The following TENM2 variants were observed in gnomAD, a reference collection of about 807,000 sequenced individuals.
The protein encoded by TENM2 is teneurin transmembrane protein 2.
A neutral mutation model predicts 245.2 loss-of-function variants in TENM2; 52 were observed. That is an observed-to-expected ratio of 0.21 (90% CI 0.17 to 0.27). The LOEUF (loss-of-function observed/expected upper bound fraction) is 0.27. Ranked by LOEUF, TENM2 falls within the 10% of genes least tolerant of loss-of-function variation. TENM2 has a pLI of 1.00. For synonymous variants in TENM2, 1,363 were observed against 1,438.9 expected (o/e 0.95, Z 1.19); for missense variants, 3,046 against 3,666.8 (o/e 0.83, Z 4.37).
chr5:167,656,919 G>T (rs143814107), intron 2 of TENM2, among the ~76,000 whole-genome samples: 1 of 148,948 alleles, frequency 6.7e-6, no homozygotes, highest in African/African-American at 2.5e-5. Context: ...AGCAATTCAC[G>T]TATCTATCTT....
chr5:167,861,426 A>G (rs1231544940), intron 2 of TENM2, among the ~76,000 whole-genome samples: 1 of 152,204 alleles, frequency 6.6e-6, no homozygotes, highest in Non-Finnish European at 1.5e-5. Flanking sequence ...ACAAACGTCT[A>G]CAAAGAAGCT....
intron 4 of TENM2, among the ~76,000 whole-genome samples, chr5:167,954,995 G>A (rs1177566941): frequency 6.6e-6 from 1 of 152,146 alleles, no homozygotes; most frequent in African/African-American, 2.4e-5. Flanking sequence ...TAATGGGATT[G>A]CTGGGTCAAA....
the TENM2 span, among the ~76,000 whole-genome samples, chr5:167,238,300 A>G: frequency 4.9e-3 from 696 of 141,784 alleles, 6 homozygotes; most frequent in African/African-American, 0.018. Flanking sequence ...TTACTTAGTC[A>G]TTATACAGTA....
chr5:167,835,038 C>T (rs1768862902), intron 2 of TENM2, among the ~76,000 whole-genome samples: 1 of 152,158 alleles, frequency 6.6e-6, no homozygotes, highest in South Asian at 2.1e-4. Flanking sequence ...GGGTTCAAAT[C>T]CTCGCACTGC....
At chr5:167,273,245 G>A in the TENM2 span, among the ~76,000 whole-genome samples, 1 of 152,136 alleles carries the variant, frequency 6.6e-6, no homozygotes, top group South Asian at 2.1e-4. Flanking sequence ...TTCAAGGGCG[G>A]AAATGTGGAA....
chr5:167,161,231 A>G, the TENM2 span, among the ~76,000 whole-genome samples: 3 of 152,310 alleles, frequency 2.0e-5, no homozygotes, highest in Admixed American at 2.0e-4. Context: ...GCCATGATTT[A>G]CTTTTTTTGC....
chr5:167,635,621 GAT>G (rs1779145321), intron 2 of TENM2, among the ~76,000 whole-genome samples: 1 of 127,664 alleles, frequency 7.8e-6, no homozygotes, highest in Admixed American at 8.2e-5. Flanking sequence ...ATCTGGCTAT[GAT>G]CAGTACAGTC....
At chr5:167,599,127 T>G (rs1407873241) in intron 2 of TENM2, among the ~76,000 whole-genome samples, 1 of 152,196 alleles carries the variant, frequency 6.6e-6, no homozygotes, top group African/African-American at 2.4e-5. Context: ...GAGAGTGCTT[T>G]CTTGTATCTT....
the TENM2 span, among the ~76,000 whole-genome samples, chr5:167,203,411 C>T: frequency 2.0e-5 from 3 of 152,214 alleles, no homozygotes; most frequent in Non-Finnish European, 4.4e-5. Context: ...TTCTTTCTAT[C>T]CTCTGTGGTA....
At chr5:167,378,566 G>T (rs1457689334) in intron 2 of TENM2, among the ~76,000 whole-genome samples, 1 of 151,906 alleles carries the variant, frequency 6.6e-6, no homozygotes, top group Non-Finnish European at 1.5e-5. Flanking sequence ...GCTAGAAATG[G>T]CAATGAGAGT....
At chr5:167,767,814 T>A (rs1763135103) in intron 2 of TENM2, among the ~76,000 whole-genome samples, 1 of 152,180 alleles carries the variant, frequency 6.6e-6, no homozygotes, top group African/African-American at 2.4e-5. Flanking sequence ...TAGACCACAC[T>A]TGTGGGGGTA....
chr5:167,331,039 C>G (rs1432116898), intron 1 of TENM2, among the ~76,000 whole-genome samples: 1 of 151,792 alleles, frequency 6.6e-6, no homozygotes, highest in African/African-American at 2.4e-5. Context: ...AGTTCAAGAC[C>G]AGCCTGACCA....
At chr5:167,962,209 C>T (rs1434146837) in intron 4 of TENM2, among the ~76,000 whole-genome samples, 1 of 151,690 alleles carries the variant, frequency 6.6e-6, no homozygotes. Context: ...ATTAGGACTT[C>T]TCAATGCTAA....
At chr5:167,526,490 A>G (rs925343418) in intron 2 of TENM2, among the ~76,000 whole-genome samples, 2 of 152,038 alleles carry the variant, frequency 1.3e-5, no homozygotes, top group African/African-American at 4.8e-5. Context: ...AGAAGCCTAT[A>G]TCACTACTTG....
At chr5:167,075,125 C>T in the TENM2 span, among the ~76,000 whole-genome samples, 1 of 152,004 alleles carries the variant, frequency 6.6e-6, no homozygotes, top group Non-Finnish European at 1.5e-5. Context: ...GAAACAGACC[C>T]AAGACTCTGG....
the TENM2 span, among the ~76,000 whole-genome samples, chr5:167,028,708 C>G: frequency 6.6e-6 from 1 of 151,708 alleles, no homozygotes; most frequent in African/African-American, 2.4e-5. Context: ...TAAATATATA[C>G]ACATTTATGT....
chr5:167,491,832 A>G (rs1217576100), intron 2 of TENM2, among the ~76,000 whole-genome samples: 1 of 152,160 alleles, frequency 6.6e-6, no homozygotes, highest in Non-Finnish European at 1.5e-5. Context: ...GATCTAAAAA[A>G]TACCAACAGG....
chr5:167,701,431 G>T (rs1488754195), intron 2 of TENM2, among the ~76,000 whole-genome samples: 1 of 151,234 alleles, frequency 6.6e-6, no homozygotes, highest in Non-Finnish European at 1.5e-5. Flanking sequence ...AAATTACTTT[G>T]CATGAAATTA....
At chr5:167,771,197 C>T (rs150634533) in intron 2 of TENM2, among the ~76,000 whole-genome samples, 20 of 152,180 alleles carry the variant, frequency 1.3e-4, no homozygotes, top group Middle Eastern at 3.4e-3. Context: ...TAGCCCAGCA[C>T]TAAAGAAAAT....
Sources: gnomAD v4.1 joint callset for allele counts (sites outside exome capture counted in the v4.1 genomes callset) on GRCh38, gnomAD v4.1.1 for gene constraint, MANE v1.5 for transcripts, NCBI Gene and HGNC (gene_info 2026-07-23, HGNC 2026-07-21) for gene names.